TSHR: variants seen among roughly 807,000 people sequenced by gnomAD.
TSHR encodes thyrotropin receptor.
Under a neutral mutation model 64.1 loss-of-function variants are expected in TSHR, and 51 were observed. That is an observed-to-expected ratio of 0.80 (90% CI 0.64 to 1.01). The LOEUF is 1.01. Ranked by LOEUF, TSHR falls within the 50% of genes least tolerant of loss-of-function variation. The pLI, the probability that TSHR is intolerant of heterozygous loss-of-function variation, is 0.00. For missense variants in TSHR, 877 were observed against 942.8 expected (o/e 0.93, Z 0.91); for synonymous variants, 361 against 361.9 (o/e 1.00, Z 0.03).
intron 1 of TSHR, chr14:81,014,008 C>G (rs1471310174): frequency 6.6e-6 from 1 of 152,116 alleles, no homozygotes; most frequent in African/African-American, 2.4e-5. Flanking sequence ...ACAGATATAC[C>G]TATGAGATAT....
chr14:81,006,685 G>A (rs1021678285), intron 1 of TSHR, among the ~76,000 whole-genome samples: 1 of 151,922 alleles, frequency 6.6e-6, no homozygotes, highest in African/African-American at 2.4e-5. Context: ...GCTAATTTTT[G>A]TATTTTTTTA....
intron 7 of TSHR, among the ~76,000 whole-genome samples, chr14:81,107,424 C>T (rs1056592400): frequency 2.0e-5 from 3 of 152,076 alleles, no homozygotes; most frequent in Non-Finnish European, 2.9e-5. Context: ...GCATTTGTAA[C>T]AAGGATATAT....
chr14:81,114,927 C>T (rs1890423509), intron 8 of TSHR, among the ~76,000 whole-genome samples: 1 of 152,152 alleles, frequency 6.6e-6, no homozygotes, highest in Non-Finnish European at 1.5e-5. Context: ...CACACTGACA[C>T]CTCACATGGC....
intron 1 of TSHR, among the ~76,000 whole-genome samples, chr14:80,979,031 T>C (rs1380946607): frequency 2.0e-5 from 3 of 152,236 alleles, no homozygotes; most frequent in Admixed American, 1.3e-4. Context: ...AGTGTCCTTA[T>C]ATTTAACATT....
chr14:80,961,684 A>G (rs1234952990), intron 1 of TSHR, among the ~76,000 whole-genome samples: 1 of 152,246 alleles, frequency 6.6e-6, no homozygotes, highest in Non-Finnish European at 1.5e-5. Context: ...TAATGGGGGT[A>G]GCTGGCTTCG....
chr14:80,993,880 T>C (rs1247134604), intron 1 of TSHR: 2 of 152,158 alleles, frequency 1.3e-5, no homozygotes, highest in African/African-American at 4.8e-5. Flanking sequence ...CTACCATTTC[T>C]ATACAGTTGA....
chr14:80,995,863 G>A (rs1594931665), intron 1 of TSHR, among the ~76,000 whole-genome samples: 1 of 151,134 alleles, frequency 6.6e-6, no homozygotes, highest in East Asian at 1.9e-4. Context: ...ATAAAGGGTA[G>A]CAAACACACC....
chr14:80,969,730 C>T (rs1887502185), intron 1 of TSHR, among the ~76,000 whole-genome samples: 1 of 152,200 alleles, frequency 6.6e-6, no homozygotes, highest in Non-Finnish European at 1.5e-5. Flanking sequence ...ATCTAGTCTA[C>T]CTGGGTGTTG....
intron 7 of TSHR, chr14:81,099,256 C>G (rs1267546037): frequency 6.8e-6 from 1 of 147,838 alleles, no homozygotes; most frequent in East Asian, 2.0e-4. Flanking sequence ...TGAAGCCCAA[C>G]AAGAACACAT....
chr14:81,070,755 T>A (rs901703018), intron 3 of TSHR, among the ~76,000 whole-genome samples: 1 of 151,742 alleles, frequency 6.6e-6, no homozygotes, highest in African/African-American at 2.4e-5. Flanking sequence ...AAGATATTTG[T>A]GAACAGCAAA....
rs1889705334 is a variant in TSHR, at chr14:81,103,374, C to T, written c.615-5001C>T. The T allele has an allele frequency of 5.1e-6, 5 of 985,034 alleles. No individual in the cohort carries two copies. Among genetic ancestry groups the T allele is most frequent in the Admixed American group, 6.2e-5 (1 of 16,230 alleles). The allele number at this position is 985,034 out of a possible 1,614,324, so 61.0% of individuals were successfully genotyped here. ...GTTTGTCCAGGTATCATTAGGTTCT[C>T]ATTTAAACAATGTGTCATCCAAAAG... On this transcript the variant is annotated intron_variant, in intron 7 of 9. Coordinates refer to ENST00000298171, the MANE Select transcript of TSHR (RefSeq NM_000369.5). This position sits in a 1 kb window ranked among gnomAD's most constrained non-coding sequence, Gnocchi z 4.1.
At chr14:81,079,733 A>G (rs903113884) in intron 3 of TSHR, among the ~76,000 whole-genome samples, 3 of 151,958 alleles carry the variant, frequency 2.0e-5, no homozygotes, top group Non-Finnish European at 2.9e-5. Flanking sequence ...GCACTTGCCT[A>G]TAGTCCCAGC....
chr14:81,130,326 G>C (rs1054170582), intron 8 of TSHR, among the ~76,000 whole-genome samples: 4 of 152,106 alleles, frequency 2.6e-5, no homozygotes, highest in African/African-American at 4.8e-5. Flanking sequence ...CCGTTTACCA[G>C]GTCAACAGTG....
intron 1 of TSHR, among the ~76,000 whole-genome samples, chr14:80,965,204 A>T (rs1009081080): frequency 6.6e-5 from 10 of 152,092 alleles, no homozygotes; most frequent in Non-Finnish European, 1.3e-4. Flanking sequence ...TACAAGCAAC[A>T]CTGCGCTTGG....
chr14:81,105,169 G>C (rs1452267672), intron 7 of TSHR: 2 of 985,228 alleles, frequency 2.0e-6, no homozygotes, highest in African/African-American at 3.5e-5. Flanking sequence ...ATCCAAGCTG[G>C]TTACAAATGT....
At chr14:80,989,610 C>T (rs1007880382) in intron 1 of TSHR, among the ~76,000 whole-genome samples, 14 of 152,144 alleles carry the variant, frequency 9.2e-5, no homozygotes, top group African/African-American at 3.1e-4. Flanking sequence ...CCTACAAATC[C>T]TTCAAGTCTC....
At chr14:81,036,331 A>C (rs958667280) in intron 1 of TSHR, among the ~76,000 whole-genome samples, 2 of 152,218 alleles carry the variant, frequency 1.3e-5, no homozygotes, top group African/African-American at 4.8e-5. Flanking sequence ...TTCCAAAAGC[A>C]GTGAGAGAAG....
chr14:81,115,814 A>G (rs527645141), intron 8 of TSHR, among the ~76,000 whole-genome samples: 1 of 152,256 alleles, frequency 6.6e-6, no homozygotes, highest in African/African-American at 2.4e-5. Flanking sequence ...GAAGCCCATC[A>G]GACTAACAGT....
At chr14:81,053,185 A>G (rs1433897100) in intron 1 of TSHR, 1 of 152,112 alleles carries the variant, frequency 6.6e-6, no homozygotes, top group East Asian at 1.9e-4. Context: ...CCAAGTCTGA[A>G]AGCAAAGAAA....
Sources: allele counts gnomAD v4.1 joint callset (sites outside exome capture counted in the v4.1 genomes callset), GRCh38; gene constraint gnomAD v4.1.1; non-coding constraint Gnocchi (gnomAD v3.1); transcripts MANE v1.5; gene names NCBI Gene and HGNC (gene_info 2026-07-23, HGNC 2026-07-21).